The following TNIP2 variants were observed in gnomAD, a reference collection of about 807,000 sequenced individuals.
TNIP2 encodes TNFAIP3 interacting protein 2.
TNIP2 carries 30 observed loss-of-function variants against 43.7 expected under a neutral mutation model. The observed-to-expected ratio is 0.69, with a 90% confidence interval of 0.51 to 0.93. The LOEUF (loss-of-function observed/expected upper bound fraction) is 0.93, where lower values mean the gene tolerates loss of function less well. TNIP2 is among the 40% of genes least tolerant of loss of function. The pLI, the probability that TNIP2 is intolerant of heterozygous loss-of-function variation, is 0.00. For missense variants in TNIP2, 599 were observed against 591.0 expected, an observed-to-expected ratio of 1.01 and a Z score of -0.14; for synonymous variants, 260 against 254.6, an observed-to-expected ratio of 1.02 and a Z score of -0.20.
rs1722221729 is a variant in TNIP2 at position 2,755,826 on chromosome 4, C to T, written c.276+188G>A. The T allele has an allele frequency of 3.7e-6, 3 of 813,420 alleles. No individual in the cohort carries two copies. The African/African-American group carries it at 5.6e-5, about 15-fold the overall frequency. The allele number at this position is 813,420 out of a possible 1,614,324, so 50.4% of individuals were successfully genotyped here. On this transcript the variant is annotated intron_variant, in intron 1 of 5. Coordinates refer to ENST00000315423, the MANE Select transcript of TNIP2 (RefSeq NM_024309.4). ...CCGGGGCCCCCTCACCCCCAGGACC[C>T]GGCACCCCCTCAACTCCCAGGACCT...
Position 2,745,257 on chromosome 4 carries a change from G to T in TNIP2, c.657+189C>A, listed in dbSNP as rs1039130356. The T allele has an allele frequency of 4.6e-5, 28 of 611,530 alleles. 1 individual carries two copies. In the South Asian group the frequency reaches 5.5e-4, roughly 12 times the overall value. The allele number at this position is 611,530 out of a possible 1,614,324, so 37.9% of individuals were successfully genotyped here. ...CTGACTTGTGGATTAATTTTAGGGG[G>T]ATGGAGATGGACAGGACATGTCCCG... On this transcript the variant is annotated intron_variant, in intron 3 of 5. Coordinates refer to ENST00000315423, the MANE Select transcript of TNIP2 (RefSeq NM_024309.4).
intron 5 of TNIP2, among the ~76,000 whole-genome samples, chr4:2,742,985 G>A (rs1463137385): frequency 6.6e-6 from 1 of 152,144 alleles, no homozygotes; most frequent in East Asian, 1.9e-4. Flanking sequence ...GCAGCAAGAG[G>A]TGTCCCTGGC....
In TNIP2 at chr4:2,741,863, A is replaced by G. The variant is rs145843415; in HGVS notation, c.*394T>C. ...GTTCGAGGCAGAGAGGCGACGCTTT[A>G]TTCCATAGAACAGGATGGGGCTCCC... On this transcript the variant is annotated 3_prime_UTR_variant, in exon 6 of 6. Coordinates refer to ENST00000315423, the MANE Select transcript of TNIP2 (RefSeq NM_024309.4). 2.9e-5 allele frequency: 5 copies of G among 173,960 alleles called. No individual in the cohort carries two copies. The East Asian group carries it at 7.4e-4, about 26-fold the overall frequency. 10.8% of individuals were successfully genotyped at this position (173,960 alleles called of 1,614,324 possible).
intron 1 of TNIP2, 31 bp downstream of exon 1, chr4:2,755,983 C>T (rs376439255): frequency 1.3e-6 from 2 of 1,520,160 alleles, no homozygotes; most frequent in Admixed American, 2.1e-5. Flanking sequence ...CACTCTCGCT[C>T]CCGCAGCTCC....
chr4:2,744,537 C>G lies in TNIP2; in HGVS notation c.907-31G>C. On this transcript the variant is annotated intron_variant, in intron 4 of 5. Transcript: ENST00000315423. The surrounding 1 kb of genome is among the most constrained non-coding windows in gnomAD (Gnocchi z 5.1). ...GAGAGGCGAGACACACATTTCTGCT[C>G]AAGGAAGGAGGAAGCGCCCCACCAG... is the stretch of plus-strand genomic sequence containing the variant. 6.2e-7 allele frequency: 1 copy of G among 1,613,832 alleles called. No individual in the cohort carries two copies. Among genetic ancestry groups the G allele is most frequent in the Non-Finnish European group, 8.5e-7 (1 of 1,179,874 alleles).
At chr4:2,745,727 C>T (rs1269622084) in intron 2 of TNIP2, among the ~76,000 whole-genome samples, 192 bp from the exon 3 acceptor site, 2 of 152,246 alleles carry the variant, frequency 1.3e-5, no homozygotes, top group African/African-American at 4.8e-5. Flanking sequence ...CCCCACCTGG[C>T]CCAGGCCAGA....
chr4:2,742,361 C>A lies in TNIP2; in HGVS notation c.1186G>T (p.Ala396Ser). The stretch of plus-strand genomic sequence containing the variant: ...TGAAGGTCCCCCTGGCCTCTCTGGG[C>A]CGCGCCAGGATGCCCGCCCTCTGCA... ...PPAEGGHPGA[A>S]QRGQGDLQCP... The change falls in exon 6 of 6, where the codon GCC (alanine) becomes TCC (serine). Residue 396 changes from alanine (A) to serine (S), a missense_variant. Transcript: ENST00000315423. The A allele has an allele frequency of 6.2e-7, 1 of 1,600,318 alleles. No homozygotes were observed. Among genetic ancestry groups the A allele is most frequent in the Non-Finnish European group, 8.5e-7 (1 of 1,172,762 alleles).
chr4:2,756,108 G>A lies in TNIP2; in HGVS notation c.182C>T (p.Pro61Leu), dbSNP rs746943072. The A allele has an allele frequency of 1.3e-6, 2 of 1,490,396 alleles. No individual in the cohort carries two copies. The highest frequency in any genetic ancestry group is 1.8e-6 in the Non-Finnish European group (2 of 1,130,118). 92.3% of individuals were successfully genotyped at this position (1,490,396 alleles called of 1,614,324 possible). Residue 61 changes from proline to leucine, a missense_variant, in exon 1 of 6, where the codon CCG becomes CTG. By Grantham distance (98) the Pro-to-Leu change is moderately conservative (BLOSUM62 -3). Coordinates refer to ENST00000315423, the MANE Select transcript of TNIP2 (RefSeq NM_024309.4). ...RLAALEGDAA[P>L]SLVDALLEQV... ...CTCCAGCAGCGCGTCCACTAGGGACGGCGCGGCGTCCCCCTCCAGCGCGGC... is the reference window on the plus strand; with the variant it reads ...CTCCAGCAGCGCGTCCACTAGGGACAGCGCGGCGTCCCCCTCCAGCGCGGC...
intron 1 of TNIP2, among the ~76,000 whole-genome samples, chr4:2,751,578 T>G (rs937043166): frequency 5.9e-5 from 9 of 151,416 alleles, no homozygotes; most frequent in African/African-American, 2.2e-4. Flanking sequence ...GGGACTAGCC[T>G]GGGCAACATG....
At chr4:2,752,302 C>T (rs1722125101) in intron 1 of TNIP2, among the ~76,000 whole-genome samples, 1 of 152,110 alleles carries the variant, frequency 6.6e-6, no homozygotes, top group African/African-American at 2.4e-5. Flanking sequence ...CCAGGTTGCA[C>T]AATGAATTGG....
At chr4:2,749,490 A>C (rs1394754238) in intron 1 of TNIP2, among the ~76,000 whole-genome samples, 1 of 152,212 alleles carries the variant, frequency 6.6e-6, no homozygotes, top group Non-Finnish European at 1.5e-5. Flanking sequence ...TTGTAAGCAG[A>C]CAGAAGTCTG....
intron 1 of TNIP2, among the ~76,000 whole-genome samples, chr4:2,753,267 C>T (rs770361606): frequency 2.6e-5 from 4 of 151,382 alleles, no homozygotes; most frequent in African/African-American, 9.7e-5. Context: ...AGCAAGATCC[C>T]GTCTCTACAA....
intron 1 of TNIP2, 94 bp from the exon 2 acceptor site, chr4:2,748,039 GCCCCATCA>G: frequency 7.4e-7 from 1 of 1,344,528 alleles, no homozygotes; most frequent in Non-Finnish European, 1.0e-6. Flanking sequence ...TGGCGTGGAT[GCCCCATCA>G]CCAGACACAA....
intron 1 of TNIP2, among the ~76,000 whole-genome samples, chr4:2,748,184 T>G (rs879448092): frequency 6.6e-6 from 1 of 152,160 alleles, no homozygotes; most frequent in African/African-American, 2.4e-5. Context: ...CTCAAATTTT[T>G]TTTTTTTTTG....
At chr4:2,745,602 C>A in intron 2 of TNIP2, 67 bp from the exon 3 acceptor site, 1 of 1,157,820 alleles carries the variant, frequency 8.6e-7, no homozygotes, top group Non-Finnish European at 1.3e-6. Flanking sequence ...AAGCTAGACC[C>A]AGAGGCTGAG....
chr4:2,749,531 GACA>G (rs1722049358), intron 1 of TNIP2, among the ~76,000 whole-genome samples: 1 of 152,228 alleles, frequency 6.6e-6, no homozygotes, highest in Admixed American at 6.5e-5. Flanking sequence ...ACGACCACGT[GACA>G]ACAAAGATAG....
chr4:2,742,604 T>C, intron 5 of TNIP2, 84 bp from the exon 6 acceptor site: 1 of 1,396,036 alleles, frequency 7.2e-7, no homozygotes, highest in Non-Finnish European at 9.5e-7. Flanking sequence ...CCAGAGGCAC[T>C]TCACCTATCC....
intron 1 of TNIP2, 48 bp downstream of exon 1, chr4:2,755,966 C>T (rs192348060): frequency 1.3e-6 from 2 of 1,497,230 alleles, no homozygotes; most frequent in Non-Finnish European, 1.8e-6. Flanking sequence ...CCGGCGGCCG[C>T]CACACGCACT....
In TNIP2 at chr4:2,748,081, G is replaced by A. The variant is rs547910942; in HGVS notation, c.277-136C>T. The A allele has an allele frequency of 7.7e-5, 70 of 906,496 alleles. No individual in the cohort carries two copies. The Middle Eastern group carries it at 3.4e-3, about 44-fold the overall frequency. The allele number at this position is 906,496 out of a possible 1,614,324, so 56.2% of individuals were successfully genotyped here. A position where few individuals can be genotyped will look rare whatever the true frequency, so the allele number is the denominator to read the frequency against. On this transcript the variant is annotated intron_variant, in intron 1 of 5. Transcript: ENST00000315423. ...AAACATACTCACTCAGAAGTTGGGC[G>A]TTTGAACTAACAATTACTCACTCAG... is the stretch of plus-strand genomic sequence containing the variant.
Sources: allele counts gnomAD v4.1 joint callset (sites outside exome capture counted in the v4.1 genomes callset), GRCh38; gene constraint gnomAD v4.1.1; non-coding constraint Gnocchi (gnomAD v3.1); transcripts MANE v1.5; gene names NCBI Gene and HGNC (gene_info 2026-07-23, HGNC 2026-07-21).